Variants in PUM2 observed in about 807,000 individuals in gnomAD.
The protein encoded by PUM2 is pumilio RNA binding family member 2, also known as pumilio homolog 2.
In PUM2, 57 loss-of-function variants were observed where a neutral mutation model predicts 124.5. The ratio of observed to expected loss-of-function variants is 0.46; its 90% CI spans 0.37 to 0.57. PUM2 has a LOEUF of 0.57. Among genes scored for constraint, PUM2 ranks in the 20% least tolerant of loss-of-function variants. The pLI is 0.00. For synonymous variants in PUM2, 460 were observed against 446.1 expected (o/e 1.03, Z -0.39); for missense variants, 1,065 against 1,290.6 (o/e 0.83, Z 2.68).
At chr2:20,286,178 A>T (rs1327463018) in intron 10 of PUM2, among the ~76,000 whole-genome samples, 1 of 152,212 alleles carries the variant, frequency 6.6e-6, no homozygotes, top group Non-Finnish European at 1.5e-5. Flanking sequence ...CCAAGTTACT[A>T]TGTAGAGAGA....
chr2:20,323,850 AT>A (rs1240992407), intron 2 of PUM2, among the ~76,000 whole-genome samples: 5 of 142,746 alleles, frequency 3.5e-5, no homozygotes, highest in African/African-American at 1.3e-4. Flanking sequence ...TTTCAATCAT[AT>A]TTTAATTCAT....
chr2:20,332,490 G>A (rs962526470), intron 1 of PUM2, among the ~76,000 whole-genome samples: 2 of 151,258 alleles, frequency 1.3e-5, no homozygotes, highest in African/African-American at 2.4e-5. Context: ...TTTCAATTAC[G>A]AGAAAGAGAA....
chr2:20,332,282 A>AGT (rs55986830), intron 1 of PUM2, among the ~76,000 whole-genome samples: 16,610 of 145,244 alleles, frequency 0.11, 930 homozygotes, highest in African/African-American at 0.15. Context: ...ATACTACTAG[A>AGT]GTGTGTGTGT....
At position 20,251,702 on chromosome 2, in the gene PUM2, A is replaced by G. The variant is rs1663381954; in HGVS notation, c.3078T>C (p.Ile1026=). 3 of 1,612,798 alleles carry G rather than the reference A, an allele frequency of 1.9e-6. No homozygotes were observed. The highest frequency in any genetic ancestry group is 2.5e-6 in the Non-Finnish European group (3 of 1,179,366). ...CGTATGTGTATTTGCGCAAAGTAGT[A>G]ATGTGAGGTCGAATCTGAAAAACAA... is the stretch of plus-strand genomic sequence containing the variant. ...KIIMHKIRPH[I]TTLRKYTYGK... Residue 1026 remains isoleucine, a synonymous_variant, in exon 21 of 21, where the codon ATT becomes ATC. Coordinates refer to ENST00000361078, the MANE Select transcript of PUM2 (RefSeq NM_015317.5).
At chr2:20,316,750 C>T (rs1681039057) in intron 3 of PUM2, among the ~76,000 whole-genome samples, 4 of 152,104 alleles carry the variant, frequency 2.6e-5, no homozygotes, top group Non-Finnish European at 5.9e-5. Flanking sequence ...TAGCCAGACA[C>T]GGCCAGGCAT....
chr2:20,337,758 T>C (rs897529098), intron 1 of PUM2, among the ~76,000 whole-genome samples: 4 of 152,224 alleles, frequency 2.6e-5, no homozygotes, highest in African/African-American at 9.6e-5. Context: ...TTGACTAGCG[T>C]ATGAAAAATT....
At chr2:20,302,988 G>A (rs1174308856) in intron 7 of PUM2, among the ~76,000 whole-genome samples, 1 of 152,180 alleles carries the variant, frequency 6.6e-6, no homozygotes, top group Admixed American at 6.5e-5. Context: ...GTGGCATGAA[G>A]AGATAGCTGT....
At chr2:20,255,897 G>A (rs544927260) in intron 17 of PUM2, 136 bp downstream of exon 17, 2 of 883,392 alleles carry the variant, frequency 2.3e-6, no homozygotes, top group East Asian at 6.0e-5. Flanking sequence ...AGAAATTAAT[G>A]TACATTTACT....
chr2:20,326,462 A>C lies in PUM2; in HGVS notation c.51+848T>G, dbSNP rs1683702166. On this transcript the variant is annotated intron_variant, in intron 2 of 20. Coordinates refer to ENST00000361078, the MANE Select transcript of PUM2 (RefSeq NM_015317.5). ...CCAAGGTAAAATAATCTCCAGGAGC[A>C]AGCAGTTAATTACACATCTTAGGTC... 2.4e-6 allele frequency: 3 copies of C among 1,261,376 alleles called. No homozygotes were observed. In the African/African-American group the frequency reaches 4.6e-5, roughly 19 times the overall value. 78.1% of individuals were successfully genotyped at this position (1,261,376 alleles called of 1,614,324 possible). A position where few individuals can be genotyped will look rare whatever the true frequency, so the allele number is the denominator to read the frequency against.
In PUM2 at chr2:20,250,223, T is replaced by C. The variant is rs1662972459; in HGVS notation, c.*1362A>G. ...CCATATTAACAGTCAACAACTATGT[T>C]ATAAAACAAAATGATCTCACAATAA... On this transcript the variant is annotated 3_prime_UTR_variant, in exon 21 of 21. Coordinates refer to ENST00000361078, the MANE Select transcript of PUM2 (RefSeq NM_015317.5). 1 of 152,580 alleles carries C rather than the reference T, an allele frequency of 6.6e-6. No homozygotes were observed. The highest frequency in any genetic ancestry group is 2.4e-5 in the African/African-American group (1 of 41,466). The allele number at this position is 152,580 out of a possible 1,614,324, so 9.5% of individuals were successfully genotyped here.
chr2:20,311,407 A>AT, intron 5 of PUM2, 87 bp downstream of exon 5: 5 of 1,366,144 alleles, frequency 3.7e-6, no homozygotes, highest in Non-Finnish European at 4.9e-6. Flanking sequence ...AACCTAAATG[A>AT]TGAAAATGTC....
intron 1 of PUM2, among the ~76,000 whole-genome samples, chr2:20,339,876 T>A (rs543579720): frequency 2.0e-5 from 3 of 152,286 alleles, no homozygotes; most frequent in African/African-American, 7.2e-5. Context: ...GCCTGGGCGA[T>A]GAGTGAAACT....
rs1682790252 is a variant in PUM2 at position 20,323,173 on chromosome 2, G to A, written c.51+4137C>T. On this transcript the variant is annotated intron_variant, in intron 2 of 20. Transcript: ENST00000361078. ...TGCACGGAATTACATCTAGGGCCAG[G>A]TGCGGTGGCTCACGTCTGTAATCCT... is the stretch of plus-strand genomic sequence containing the variant. 2.6e-5 allele frequency among the ~76,000 whole-genome samples: 4 copies of A among 152,136 alleles called. No homozygotes were observed. The South Asian group carries it at 8.3e-4, about 31-fold the overall frequency.
intron 7 of PUM2, among the ~76,000 whole-genome samples, chr2:20,306,213 CAACAACAAAAACAAT>C (rs1469902267): frequency 6.6e-6 from 1 of 152,032 alleles, no homozygotes; most frequent in Non-Finnish European, 1.5e-5. Context: ...GTCAAAGAAA[CAACAACAAAAACAAT>C]AACAACAAAA....
At position 20,263,177 on chromosome 2, in the gene PUM2, T is replaced by G. The variant is rs1194410532; in HGVS notation, c.2225+16A>C. The G allele has an allele frequency of 6.4e-7, 1 of 1,563,234 alleles. No homozygotes were observed. The highest frequency in any genetic ancestry group is 2.3e-5 in the East Asian group (1 of 44,418). ...TTCAAAGCAAAAATGAAGTGAGAAA[T>G]ATCATAATCACCTACCTAGAACCAT... On this transcript the variant is annotated intron_variant, in intron 14 of 20. Coordinates refer to ENST00000361078, the MANE Select transcript of PUM2 (RefSeq NM_015317.5).
At position 20,280,246 on chromosome 2, in the gene PUM2, T is replaced by C. The variant is rs145218893; in HGVS notation, c.1721-1427A>G. The stretch of plus-strand genomic sequence containing the variant: ...AAAAGATTATAATGCTATTCAACCT[T>C]TTATACCAGCCAATGCAGTTTCTGA... On this transcript the variant is annotated intron_variant, in intron 12 of 20. Transcript: ENST00000361078. Among the ~76,000 whole-genome samples the C allele has an allele frequency of 4.4e-3, 674 of 152,256 alleles. 5 individuals carry two copies. Among genetic ancestry groups the C allele is most frequent in the African/African-American group, 0.015 (604 of 41,570 alleles).
chr2:20,312,077 G>GT (rs752153561), intron 4 of PUM2, among the ~76,000 whole-genome samples, 159 bp downstream of exon 4: 3 of 152,002 alleles, frequency 2.0e-5, no homozygotes, highest in Non-Finnish European at 4.4e-5. Flanking sequence ...ATCATTTCAC[G>GT]TTTTTCAAGT....
rs1368294759 is a variant in PUM2 at position 20,251,345 on chromosome 2, T to C, written c.*240A>G. 1 of 350,398 alleles carries C rather than the reference T, an allele frequency of 2.9e-6. No individual in the cohort carries two copies. Among genetic ancestry groups the C allele is most frequent in the African/African-American group, 2.1e-5 (1 of 47,668 alleles). 21.7% of individuals were successfully genotyped at this position (350,398 alleles called of 1,614,324 possible). A position where few individuals can be genotyped will look rare whatever the true frequency, so the allele number is the denominator to read the frequency against. On this transcript the variant is annotated 3_prime_UTR_variant, in exon 21 of 21. Transcript: ENST00000361078. ...CATCATATACAGGCATTCTGTGCTTTGCCAGCAATCCAATCTGATAGGTCT... is the reference window on the plus strand; with the variant it reads ...CATCATATACAGGCATTCTGTGCTTCGCCAGCAATCCAATCTGATAGGTCT...
At position 20,322,029 on chromosome 2, in the gene PUM2, C is replaced by T. The variant is rs113093308; in HGVS notation, c.52-3384G>A. On this transcript the variant is annotated intron_variant, in intron 2 of 20. Transcript: ENST00000361078. ...CCACTCAGGCATTTACATGAGTATA[C>T]CTATACTTCAGACTTTTTAAATTGT... Among the ~76,000 whole-genome samples, 831 of 152,056 alleles carry T rather than the reference C, an allele frequency of 5.5e-3. 1 individual carries two copies. The highest frequency in any genetic ancestry group is 8.8e-3 in the Non-Finnish European group (596 of 67,996).
Sources: gnomAD v4.1 joint callset for allele counts (sites outside exome capture counted in the v4.1 genomes callset) on GRCh38, gnomAD v4.1.1 for gene constraint, MANE v1.5 for transcripts, NCBI Gene and HGNC (gene_info 2026-07-23, HGNC 2026-07-21) for gene names.